Variants in TRHDE observed in about 807,000 individuals in gnomAD.
The protein encoded by TRHDE is thyrotropin releasing hormone degrading enzyme.
TRHDE carries 72 observed loss-of-function variants against 125.7 expected under a neutral mutation model. That is an observed-to-expected ratio of 0.57 (90% CI 0.47 to 0.70). The LOEUF (loss-of-function observed/expected upper bound fraction) is 0.70. Among genes scored for constraint, TRHDE ranks in the 30% least tolerant of loss-of-function variants. TRHDE has a pLI of 0.00. For synonymous variants in TRHDE, 509 were observed against 509.1 expected, an observed-to-expected ratio of 1.00 and a Z score of 0.00; for missense variants, 1,110 against 1,327.1, an observed-to-expected ratio of 0.84 and a Z score of 2.54.
At chr12:72,642,817 T>C (rs1382628801) in intron 15 of TRHDE, among the ~76,000 whole-genome samples, 1 of 152,210 alleles carries the variant, frequency 6.6e-6, no homozygotes, top group Non-Finnish European at 1.5e-5. Context: ...ATTTGTACTG[T>C]TCATAACTGT....
chr12:72,415,598 T>A (rs1416935596), intron 3 of TRHDE, among the ~76,000 whole-genome samples: 2 of 143,846 alleles, frequency 1.4e-5, no homozygotes, highest in African/African-American at 5.1e-5. Context: ...CATGAGTTCA[T>A]TTTTTTTTTT....
At chr12:72,621,237 C>A in intron 14 of TRHDE, 32 bp downstream of exon 14, 1 of 1,395,292 alleles carries the variant, frequency 7.2e-7, no homozygotes, top group Non-Finnish European at 1.0e-6. Context: ...CTCTTCTTTA[C>A]CCCTAGAGCT....
At chr12:72,551,093 A>G (rs1869650996) in intron 7 of TRHDE, among the ~76,000 whole-genome samples, 1 of 152,070 alleles carries the variant, frequency 6.6e-6, no homozygotes, top group South Asian at 2.1e-4. Context: ...AAAGTAACAA[A>G]CTATAACATA....
chr12:72,583,213 A>G (rs1028380226), intron 12 of TRHDE, among the ~76,000 whole-genome samples: 1 of 152,226 alleles, frequency 6.6e-6, no homozygotes, highest in Non-Finnish European at 1.5e-5. Flanking sequence ...AAAATTATTT[A>G]TTGCAAACTA....
intron 3 of TRHDE, among the ~76,000 whole-genome samples, chr12:72,385,258 A>G (rs752418708): frequency 1.3e-5 from 2 of 152,002 alleles, no homozygotes; most frequent in Non-Finnish European, 2.9e-5. Context: ...ATTTGATCTT[A>G]TACTCAGCTA....
intron 15 of TRHDE, among the ~76,000 whole-genome samples, chr12:72,647,358 T>C (rs1338221214): frequency 1.3e-5 from 2 of 151,792 alleles, no homozygotes; most frequent in African/African-American, 4.8e-5. Context: ...TTGTGATAAA[T>C]ACCTATATTT....
At chr12:72,429,558 C>T (rs1039166574) in intron 3 of TRHDE, among the ~76,000 whole-genome samples, 1 of 151,860 alleles carries the variant, frequency 6.6e-6, no homozygotes, top group Admixed American at 6.6e-5. Flanking sequence ...GGTGGAATTA[C>T]TGGATCATGT....
chr12:72,383,815 T>A (rs772564749), intron 3 of TRHDE, among the ~76,000 whole-genome samples: 5 of 151,796 alleles, frequency 3.3e-5, no homozygotes, highest in Non-Finnish European at 7.4e-5. Context: ...AGATTTGGAA[T>A]TCAAACCCAG....
upstream of TRHDE, chr12:72,272,306 G>A (rs1592509472): frequency 2.8e-6 from 1 of 359,252 alleles, no homozygotes; most frequent in Non-Finnish European, 5.5e-6. This position sits in a 1 kb window ranked among gnomAD's most constrained non-coding sequence, Gnocchi z 6.7. Context: ...AGGGGAGGGA[G>A]AGCCGGGAGC....
At chr12:72,286,307 C>T (rs1879884209) in intron 1 of TRHDE, among the ~76,000 whole-genome samples, 1 of 152,174 alleles carries the variant, frequency 6.6e-6, no homozygotes, top group African/African-American at 2.4e-5. Context: ...GTTTCGTTGT[C>T]TTTACATGTT....
chr12:72,428,915 C>T (rs1874303890), intron 3 of TRHDE, among the ~76,000 whole-genome samples: 1 of 151,950 alleles, frequency 6.6e-6, no homozygotes, highest in Non-Finnish European at 1.5e-5. Flanking sequence ...ATTCATGTGC[C>T]ACATGAATCA....
chr12:72,493,185 G>A (rs1289503044), intron 5 of TRHDE, among the ~76,000 whole-genome samples: 1 of 151,726 alleles, frequency 6.6e-6, no homozygotes, highest in Non-Finnish European at 1.5e-5. Context: ...TCCTTTATCT[G>A]TACCTAAGAA....
At position 72,643,013 on chromosome 12, in the gene TRHDE, T is replaced by C. The variant is rs1014368127; in HGVS notation, c.2676-9309T>C. Among the ~76,000 whole-genome samples, 7 of 152,232 alleles carry C rather than the reference T, an allele frequency of 4.6e-5. 1 individual carries two copies. The highest frequency in any genetic ancestry group is 4.1e-4 in the South Asian group (2 of 4,836). On this transcript the variant is annotated intron_variant, in intron 15 of 18. Coordinates refer to ENST00000261180, the MANE Select transcript of TRHDE (RefSeq NM_013381.3). ...GGGGTTTCATTAACAATGGAAGTCA[T>C]TGGGAACTGAAGGCCCCTGGCATAT...
chr12:72,639,232 T>C (rs1263087265), intron 15 of TRHDE, among the ~76,000 whole-genome samples: 2 of 152,112 alleles, frequency 1.3e-5, no homozygotes, highest in Non-Finnish European at 2.9e-5. Flanking sequence ...CTAAACTTCC[T>C]TTCTCGCTTC....
chr12:72,596,403 A>T (rs752854907), intron 12 of TRHDE, among the ~76,000 whole-genome samples: 20 of 152,300 alleles, frequency 1.3e-4, no homozygotes, highest in Non-Finnish European at 2.6e-4. Flanking sequence ...CTCCACTGTA[A>T]CACTGTTTTG....
intron 6 of TRHDE, among the ~76,000 whole-genome samples, chr12:72,517,003 C>G (rs1323736936): frequency 1.3e-5 from 2 of 152,042 alleles, no homozygotes; most frequent in Admixed American, 6.6e-5. Context: ...CCCACTTGAT[C>G]ATGGTGGATA....
intron 6 of TRHDE, among the ~76,000 whole-genome samples, chr12:72,520,915 A>G (rs1879164261): frequency 6.6e-6 from 1 of 152,204 alleles, no homozygotes; most frequent in South Asian, 2.1e-4. Context: ...ACTGTTATTT[A>G]TTCAGTGTTA....
At chr12:72,621,514 C>G in intron 14 of TRHDE, 130 bp from the exon 15 acceptor site, 1 of 693,968 alleles carries the variant, frequency 1.4e-6, no homozygotes, top group Non-Finnish European at 2.3e-6. Flanking sequence ...GCCTAAGTGA[C>G]TTTTACTCAG....
At chr12:72,091,424 C>G (rs1874788255) in intron 1 of TRHDE, among the ~76,000 whole-genome samples, 1 of 152,132 alleles carries the variant, frequency 6.6e-6, no homozygotes, top group Non-Finnish European at 1.5e-5. Flanking sequence ...ATTTTAAAAT[C>G]TGATAAATTC....
Sources: allele counts gnomAD v4.1 joint callset (sites outside exome capture counted in the v4.1 genomes callset), GRCh38; gene constraint gnomAD v4.1.1; non-coding constraint Gnocchi (gnomAD v3.1); transcripts MANE v1.5; gene names NCBI Gene and HGNC (gene_info 2026-07-23, HGNC 2026-07-21).